SPMIP11: variants seen among roughly 807,000 people sequenced by gnomAD.
SPMIP11 encodes the protein long intergenic non-protein coding RNA 935.
chr12:48,768,876 G>GAC, the SPMIP11 span: 1 of 1,564,580 alleles, frequency 6.4e-7, no homozygotes. Flanking sequence ...AGACTGCAGA[G>GAC]ACACCTGTGG....
At chr12:48,735,435 C>G in the SPMIP11 span, among the ~76,000 whole-genome samples, 2 of 151,910 alleles carry the variant, frequency 1.3e-5, no homozygotes, top group Non-Finnish European at 2.9e-5. Flanking sequence ...TGGTGAAACA[C>G]CCTCTCTACT....
At chr12:48,756,137 C>A in the SPMIP11 span, among the ~76,000 whole-genome samples, 1 of 152,046 alleles carries the variant, frequency 6.6e-6, no homozygotes, top group Non-Finnish European at 1.5e-5. Context: ...CCTGCCTCGG[C>A]CTCCCAAAGT....
the SPMIP11 span, among the ~76,000 whole-genome samples, chr12:48,728,524 C>T: frequency 4.6e-5 from 7 of 151,728 alleles, no homozygotes; most frequent in South Asian, 2.1e-4. Context: ...CTGGCTAACA[C>T]GGTGAAACCC....
At chr12:48,728,491 G>A in the SPMIP11 span, among the ~76,000 whole-genome samples, 20 of 151,994 alleles carry the variant, frequency 1.3e-4, no homozygotes, top group Admixed American at 9.2e-4. Context: ...GGCGGATCAC[G>A]AGGTCAGGAG....
the SPMIP11 span, among the ~76,000 whole-genome samples, chr12:48,745,422 C>T: frequency 5.3e-5 from 8 of 150,350 alleles, no homozygotes; most frequent in South Asian, 1.3e-3. Context: ...CTGACCAACA[C>T]GGTGAAACCC....
the SPMIP11 span, among the ~76,000 whole-genome samples, chr12:48,734,874 G>A: frequency 3.3e-5 from 5 of 151,782 alleles, no homozygotes; most frequent in South Asian, 2.1e-4. Context: ...GTGCGGTGGC[G>A]GGCGGCTGTA....
chr12:48,730,087 C>T, the SPMIP11 span, among the ~76,000 whole-genome samples: 5 of 152,274 alleles, frequency 3.3e-5, no homozygotes, highest in East Asian at 9.6e-4. Flanking sequence ...AGAATTCTCT[C>T]ACCATGAAGA....
the SPMIP11 span, among the ~76,000 whole-genome samples, chr12:48,741,285 A>C: frequency 2.0e-5 from 3 of 151,964 alleles, no homozygotes; most frequent in Admixed American, 6.6e-5. Context: ...TCCCAACCTC[A>C]GGTGATCCAC....
chr12:48,749,635 CAAAAAAAAAAAAA>C, the SPMIP11 span, among the ~76,000 whole-genome samples: 2 of 56,530 alleles, frequency 3.5e-5, no homozygotes, highest in East Asian at 1.1e-3. Flanking sequence ...AACTCGGTGT[CAAAAAAAAAAAAA>C]AAAAAAAAAA....
At chr12:48,768,407 A>C in the SPMIP11 span, 1 of 767,870 alleles carries the variant, frequency 1.3e-6, no homozygotes, top group Non-Finnish European at 2.1e-6. Flanking sequence ...CTCGGTAGGT[A>C]GCCCCTTGTT....
At chr12:48,734,644 TA>T in the SPMIP11 span, among the ~76,000 whole-genome samples, 15 of 152,172 alleles carry the variant, frequency 9.9e-5, no homozygotes, top group Admixed American at 9.8e-4. Flanking sequence ...CTGTGATTGT[TA>T]ATTTATATGG....
the SPMIP11 span, among the ~76,000 whole-genome samples, chr12:48,746,360 CTTTTTTTTTTTTT>C: frequency 9.9e-5 from 10 of 101,196 alleles, no homozygotes; most frequent in African/African-American, 3.7e-4. Context: ...ACTATAATTC[CTTTTTTTTTTTTT>C]TTTTTTTTTT....
chr12:48,738,347 G>A, the SPMIP11 span, among the ~76,000 whole-genome samples: 4 of 152,074 alleles, frequency 2.6e-5, no homozygotes, highest in Non-Finnish European at 5.9e-5. Flanking sequence ...GTTGCAGACA[G>A]GATGTCAGCA....
chr12:48,746,269 A>T, the SPMIP11 span, among the ~76,000 whole-genome samples: 1 of 151,612 alleles, frequency 6.6e-6, no homozygotes, highest in African/African-American at 2.4e-5. Context: ...CAGAGATTTT[A>T]TGTAAAACCA....
At chr12:48,768,089 C>CAG in the SPMIP11 span, 3 of 188,924 alleles carry the variant, frequency 1.6e-5, no homozygotes, top group Non-Finnish European at 1.1e-5. Context: ...GGGAAGTGCC[C>CAG]AGGACCAGTG....
the SPMIP11 span, among the ~76,000 whole-genome samples, chr12:48,741,647 C>CTT: frequency 3.1e-3 from 418 of 133,606 alleles, 1 homozygote; most frequent in Non-Finnish European, 4.8e-3. Flanking sequence ...TGTAAGTATT[C>CTT]TTTTTTTTTT....
At chr12:48,751,503 G>A in the SPMIP11 span, among the ~76,000 whole-genome samples, 1 of 152,132 alleles carries the variant, frequency 6.6e-6, no homozygotes, top group Non-Finnish European at 1.5e-5. Context: ...GTACTTGGGA[G>A]GCTGAGGTGG....
chr12:48,742,473 G>T, the SPMIP11 span, among the ~76,000 whole-genome samples: 1 of 151,012 alleles, frequency 6.6e-6, no homozygotes, highest in Non-Finnish European at 1.5e-5. Context: ...GTAGAGACGG[G>T]GTTTTACCAT....
chr12:48,758,084 C>T, the SPMIP11 span, among the ~76,000 whole-genome samples: 2 of 152,122 alleles, frequency 1.3e-5, no homozygotes, highest in African/African-American at 4.8e-5. Context: ...GGGAAGATCG[C>T]TTGAGCCCAT....
Sources: gnomAD v4.1 joint callset for allele counts (sites outside exome capture counted in the v4.1 genomes callset) on GRCh38, gnomAD v4.1.1 for gene constraint, MANE v1.5 for transcripts, NCBI Gene and HGNC (gene_info 2026-07-23, HGNC 2026-07-21) for gene names.